The following MRPL35 variants were observed in gnomAD, a reference collection of about 807,000 sequenced individuals.
MRPL35 encodes large ribosomal subunit protein bL35m.
A neutral mutation model predicts 21.6 loss-of-function variants in MRPL35; 18 were observed. The observed-to-expected ratio is 0.83, with a 90% CI of 0.58 to 1.24. The LOEUF is 1.24. Ranked by LOEUF, MRPL35 falls within the 50% of genes most tolerant of loss-of-function variation. MRPL35 has a pLI of 0.00. For synonymous variants in MRPL35, 87 were observed against 86.9 expected (o/e 1.00, Z -0.01); for missense variants, 223 against 223.2 (o/e 1.00, Z 0.01).
Position 86,212,570 on chromosome 2 carries a change from C to G in MRPL35, c.*1902C>G. ...TACTTTTGCACAGCCTCCATGATGT[C>G]TTTATTGCAAATATGGATGACAAGG... On this transcript the variant is annotated 3_prime_UTR_variant, in exon 4 of 4. Transcript: ENST00000337109. 11 of 1,522,752 alleles carry G rather than the reference C, an allele frequency of 7.2e-6. No homozygotes were observed. In the South Asian group the frequency reaches 1.3e-4, roughly 18 times the overall value. The allele number at this position is 1,522,752 out of a possible 1,614,324, so 94.3% of individuals were successfully genotyped here.
chr2:86,213,014 G>C lies in MRPL35; in HGVS notation c.*2346G>C. 1 of 784,072 alleles carries C rather than the reference G, an allele frequency of 1.3e-6. No individual in the cohort carries two copies. Among genetic ancestry groups the C allele is most frequent in the Non-Finnish European group, 1.5e-6 (1 of 646,630 alleles). 48.6% of individuals were successfully genotyped at this position (784,072 alleles called of 1,614,324 possible). ...TTTCCAGTCTTACAAAGGACATAATGATTAGTTAAGCCCTAATTTAGATTT... is the reference window on the plus strand; with the variant it reads ...TTTCCAGTCTTACAAAGGACATAATCATTAGTTAAGCCCTAATTTAGATTT... On this transcript the variant is annotated 3_prime_UTR_variant, in exon 4 of 4. Transcript: ENST00000337109.
intron 1 of MRPL35, among the ~76,000 whole-genome samples, chr2:86,205,244 C>T (rs1165707276): frequency 6.6e-6 from 1 of 152,070 alleles, no homozygotes; most frequent in Non-Finnish European, 1.5e-5. Context: ...ATTTTAAAAA[C>T]ATATATCCTG....
At chr2:86,205,050 G>A (rs983052454) in intron 1 of MRPL35, among the ~76,000 whole-genome samples, 5 of 152,024 alleles carry the variant, frequency 3.3e-5, no homozygotes, top group Admixed American at 6.6e-5. Context: ...ATTGGGCTGG[G>A]CAACATGGCA....
chr2:86,202,626 C>T (rs116200868), intron 1 of MRPL35, among the ~76,000 whole-genome samples: 1,932 of 152,146 alleles, frequency 0.013, 41 homozygotes, highest in African/African-American at 0.044. Context: ...ATTTCCAAGG[C>T]CCTATGTAAG....
chr2:86,203,253 T>G (rs1673725664), intron 1 of MRPL35, among the ~76,000 whole-genome samples: 1 of 151,900 alleles, frequency 6.6e-6, no homozygotes, highest in African/African-American at 2.4e-5. Context: ...CTAATTTTTT[T>G]TTGTATTTTT....
At chr2:86,205,922 T>C (rs1239857548) in intron 1 of MRPL35, among the ~76,000 whole-genome samples, 184 bp from the exon 2 acceptor site, 1 of 152,222 alleles carries the variant, frequency 6.6e-6, no homozygotes, top group Non-Finnish European at 1.5e-5. Flanking sequence ...TTGAATTATA[T>C]ACATAAAATC....
chr2:86,204,246 A>G (rs541412512), intron 1 of MRPL35, among the ~76,000 whole-genome samples: 29 of 152,102 alleles, frequency 1.9e-4, no homozygotes, highest in African/African-American at 6.0e-4. Flanking sequence ...GGCCTCCCAA[A>G]GTGCTAGGAT....
At position 86,213,246 on chromosome 2, in the gene MRPL35, T is replaced by C; in HGVS notation, c.*2578T>C. 2 of 1,035,800 alleles carry C rather than the reference T, an allele frequency of 1.9e-6. No individual in the cohort carries two copies. Among genetic ancestry groups the C allele is most frequent in the South Asian group, 8.8e-5 (2 of 22,724 alleles). 64.2% of individuals were successfully genotyped at this position (1,035,800 alleles called of 1,614,324 possible). ...CTTCATAACACTGTACCAATTCAGC[T>C]TTTAAATTTTATTACTTTGCTTTCC... On this transcript the variant is annotated 3_prime_UTR_variant, in exon 4 of 4. Transcript: ENST00000337109.
At position 86,203,380 on chromosome 2, in the gene MRPL35, C is replaced by T. The variant is rs187506161; in HGVS notation, c.44-2726C>T. Among the ~76,000 whole-genome samples the T allele has an allele frequency of 9.8e-4, 149 of 152,206 alleles. 1 individual carries two copies. Among genetic ancestry groups the T allele is most frequent in the African/African-American group, 3.1e-3 (129 of 41,526 alleles). ...GATTACAGGCGTGAGCCACCGCACC[C>T]GGCCCACAAATGGAAAATTCTTTAC... On this transcript the variant is annotated intron_variant, in intron 1 of 3. Coordinates refer to ENST00000337109, the MANE Select transcript of MRPL35 (RefSeq NM_016622.4).
chr2:86,202,727 CCTT>C (rs958562305), intron 1 of MRPL35, among the ~76,000 whole-genome samples: 1 of 152,146 alleles, frequency 6.6e-6, no homozygotes, highest in Admixed American at 6.5e-5. Flanking sequence ...GACAGAGTCT[CCTT>C]CTGTCTCCTG....
In MRPL35 at chr2:86,199,544, A is replaced by C; in HGVS notation, c.43+11A>C. The C allele has an allele frequency of 6.2e-7, 1 of 1,614,030 alleles. No individual in the cohort carries two copies. The highest frequency in any genetic ancestry group is 8.5e-7 in the Non-Finnish European group (1 of 1,180,004). ...TGAGAGCAGCTTCAGGTCAGTGGAG[A>C]GCGACATACTCCATGCATGCCTTCA... On this transcript the variant is annotated intron_variant, in intron 1 of 3. Coordinates refer to ENST00000337109, the MANE Select transcript of MRPL35 (RefSeq NM_016622.4).
At position 86,199,541 on chromosome 2, in the gene MRPL35, G is replaced by A. The variant is rs78892893; in HGVS notation, c.43+8G>A. 6.0e-3 allele frequency: 9,687 copies of A among 1,614,140 alleles called. 322 individuals carry two copies. The African/African-American group carries it at 0.079, about 13-fold the overall frequency. ...CAGTGAGAGCAGCTTCAGGTCAGTG[G>A]AGAGCGACATACTCCATGCATGCCT... On this transcript the variant is annotated splice_region_variant and intron_variant, in intron 1 of 3. Coordinates refer to ENST00000337109, the MANE Select transcript of MRPL35 (RefSeq NM_016622.4).
intron 3 of MRPL35, among the ~76,000 whole-genome samples, chr2:86,209,569 G>A (rs1673862682): frequency 6.6e-6 from 1 of 152,156 alleles, no homozygotes; most frequent in African/African-American, 2.4e-5. Context: ...GGTTAAATAT[G>A]TGGGTTAACC....
rs779588153 is a variant in MRPL35 at position 86,211,397 on chromosome 2, G to A, written c.*729G>A. On this transcript the variant is annotated 3_prime_UTR_variant, in exon 4 of 4. Transcript: ENST00000337109. ...TGGGTCATTGTCTAGAGTAGGGATT[G>A]GCTGTCCTTAAGTCAGGAGCCCGCT... The A allele has an allele frequency of 1.0e-4, 99 of 985,138 alleles. No homozygotes were observed. The highest frequency in any genetic ancestry group is 1.0e-4 in the Non-Finnish European group (84 of 829,718). 61.0% of individuals were successfully genotyped at this position (985,138 alleles called of 1,614,324 possible).
At chr2:86,206,318 G>GT (rs750136038) in intron 2 of MRPL35, 23 bp downstream of exon 2, 38 of 1,562,984 alleles carry the variant, frequency 2.4e-5, no homozygotes, top group South Asian at 5.9e-5. Context: ...TCTTTGTGGG[G>GT]TTTTTTTTGT....
rs1402658476 is a variant in MRPL35, at chr2:86,206,174, A to C, written c.112A>C (p.Ile38Leu). Residue 38 changes from isoleucine (I) to leucine (L), a missense_variant, in exon 2 of 4, where the codon ATT (isoleucine) becomes CTT (leucine). By Grantham distance (5) the Ile-to-Leu change is conservative. Coordinates refer to ENST00000337109, the MANE Select transcript of MRPL35 (RefSeq NM_016622.4). The part of the protein sequence containing the change: ...YRNCVKNASL[I>L]SALSTGRFSH... ...CAACTGTGTCAAGAATGCCTCTCTT[A>C]TTTCTGCATTGTCCACTGGACGTTT... is the stretch of plus-strand genomic sequence containing the variant. 1 of 1,613,860 alleles carries C rather than the reference A, an allele frequency of 6.2e-7. No homozygotes were observed. Among genetic ancestry groups the C allele is most frequent in the Non-Finnish European group, 8.5e-7 (1 of 1,179,824 alleles).
At chr2:86,204,363 G>GT (rs1221829271) in intron 1 of MRPL35, among the ~76,000 whole-genome samples, 2 of 144,402 alleles carry the variant, frequency 1.4e-5, no homozygotes, top group South Asian at 2.2e-4. Flanking sequence ...ACAGCTTTAT[G>GT]TTTTTTTATT....
At position 86,212,728 on chromosome 2, in the gene MRPL35, C is replaced by T; in HGVS notation, c.*2060C>T. ...AGTGGGATGGCTGACAGGCACATAA[C>T]TTACGGGAAAGGGAATTTCATACAT... On this transcript the variant is annotated 3_prime_UTR_variant, in exon 4 of 4. Coordinates refer to ENST00000337109, the MANE Select transcript of MRPL35 (RefSeq NM_016622.4). 8.5e-7 allele frequency: 1 copy of T among 1,182,252 alleles called. No individual in the cohort carries two copies. Among genetic ancestry groups the T allele is most frequent in the Non-Finnish European group, 1.0e-6 (1 of 956,360 alleles). 73.2% of individuals were successfully genotyped at this position (1,182,252 alleles called of 1,614,324 possible). A position where few individuals can be genotyped will look rare whatever the true frequency, so the allele number is the denominator to read the frequency against.
chr2:86,200,909 G>A (rs1402526268), intron 1 of MRPL35, among the ~76,000 whole-genome samples: 6 of 152,002 alleles, frequency 3.9e-5, no homozygotes, highest in Non-Finnish European at 7.4e-5. Context: ...CAGGTGATCC[G>A]CCCGCCTCGA....
Sources: gnomAD v4.1 joint callset for allele counts (sites outside exome capture counted in the v4.1 genomes callset) on GRCh38, gnomAD v4.1.1 for gene constraint, MANE v1.5 for transcripts, NCBI Gene and HGNC (gene_info 2026-07-23, HGNC 2026-07-21) for gene names.